CAMTA1: variants seen among roughly 807,000 people sequenced by gnomAD.
CAMTA1 encodes the protein calmodulin-binding transcription activator 1.
CAMTA1 carries 27 observed loss-of-function variants against 170.9 expected under a neutral mutation model. The observed-to-expected ratio is 0.16, with a 90% confidence interval of 0.12 to 0.22. The LOEUF (loss-of-function observed/expected upper bound fraction) is 0.22. CAMTA1 is among the 10% of genes least tolerant of loss of function. CAMTA1 has a pLI of 1.00. For synonymous variants in CAMTA1, 833 were observed against 891.5 expected (o/e 0.93, Z 1.17); for missense variants, 1,619 against 2,217.2 (o/e 0.73, Z 5.42).
chr1:6,919,281 G>T (rs1367853107), intron 3 of CAMTA1, among the ~76,000 whole-genome samples: 2 of 152,144 alleles, frequency 1.3e-5, no homozygotes, highest in Non-Finnish European at 2.9e-5. Flanking sequence ...GCCCTGCTGG[G>T]CCTGGCTGGA....
At chr1:7,235,794 G>A (rs1663729369) in intron 4 of CAMTA1, among the ~76,000 whole-genome samples, 1 of 152,170 alleles carries the variant, frequency 6.6e-6, no homozygotes, top group Non-Finnish European at 1.5e-5. Context: ...CTAGTCGTTT[G>A]TTCTCTGATA....
chr1:7,492,625 ACGCG>A (rs1431048798), intron 6 of CAMTA1, among the ~76,000 whole-genome samples: 9 of 150,746 alleles, frequency 6.0e-5, no homozygotes, highest in South Asian at 4.2e-4. Flanking sequence ...ATGTACATAC[ACGCG>A]CACACAAACA....
chr1:7,655,458 CACAAACACACCCACCTAT>C (rs1251043807), intron 7 of CAMTA1, among the ~76,000 whole-genome samples: 2 of 140,786 alleles, frequency 1.4e-5, no homozygotes, highest in Non-Finnish European at 3.1e-5. Context: ...CATACCTATA[CACAAACACACCCACCTAT>C]ACAAACACAC....
At chr1:6,894,985 G>T (rs529443085) in intron 3 of CAMTA1, among the ~76,000 whole-genome samples, 67 of 152,312 alleles carry the variant, frequency 4.4e-4, no homozygotes, top group African/African-American at 1.5e-3. Context: ...CAGTAGGGAG[G>T]GCGAGGTCAA....
chr1:6,881,062 C>T (rs1354070634), intron 3 of CAMTA1, among the ~76,000 whole-genome samples: 1 of 152,114 alleles, frequency 6.6e-6, no homozygotes, highest in African/African-American at 2.4e-5. Flanking sequence ...ACAAGGAAAC[C>T]GAGATACAGA....
chr1:6,966,462 C>G (rs1691566031), intron 3 of CAMTA1, among the ~76,000 whole-genome samples: 1 of 152,148 alleles, frequency 6.6e-6, no homozygotes, highest in African/African-American at 2.4e-5. Flanking sequence ...TCTCTGGCTT[C>G]TTTCCCCCAG....
At chr1:7,476,712 A>G (rs2093425293) in intron 6 of CAMTA1, among the ~76,000 whole-genome samples, 1 of 152,158 alleles carries the variant, frequency 6.6e-6, no homozygotes, top group African/African-American at 2.4e-5. Flanking sequence ...AGAGAGCAGG[A>G]CAGGAAGAGC....
chr1:7,695,512 C>T (rs776560956), intron 11 of CAMTA1, among the ~76,000 whole-genome samples: 2 of 152,176 alleles, frequency 1.3e-5, no homozygotes, highest in Admixed American at 6.5e-5. Flanking sequence ...GGTGGGGCTG[C>T]GTTTCTTGTT....
chr1:7,045,958 G>T (rs1462381619), intron 3 of CAMTA1, among the ~76,000 whole-genome samples: 2 of 152,230 alleles, frequency 1.3e-5, no homozygotes, highest in Non-Finnish European at 2.9e-5. Flanking sequence ...CAGACGCATG[G>T]TTTAGGTTCT....
intron 3 of CAMTA1, among the ~76,000 whole-genome samples, chr1:6,899,369 A>G (rs1676355676): frequency 6.6e-6 from 1 of 152,244 alleles, no homozygotes; most frequent in African/African-American, 2.4e-5. Context: ...AGCTTGCCAA[A>G]TATATGCCTT....
chr1:7,668,436 C>CAG (rs2096023047), intron 9 of CAMTA1, among the ~76,000 whole-genome samples: 1 of 135,580 alleles, frequency 7.4e-6, no homozygotes, highest in Non-Finnish European at 1.6e-5. Flanking sequence ...CACACACCCA[C>CAG]CACACACCCC....
rs149319992 is a variant in CAMTA1, at chr1:7,664,453, A to G, written c.1906A>G (p.Ser636Gly). The G allele has an allele frequency of 1.7e-4, 273 of 1,613,414 alleles. No homozygotes were observed. The African/African-American group carries it at 3.1e-3, about 18-fold the overall frequency. Residue 636 changes from serine to glycine, a missense_variant, in exon 9 of 23, where the codon AGT (serine) becomes GGT (glycine). By Grantham distance (56) the Ser-to-Gly change is moderately conservative (BLOSUM62 0). Coordinates refer to ENST00000303635, the MANE Select transcript of CAMTA1 (RefSeq NM_015215.4). ...CGAGCAGAACACCCACAGCAGCCTG[A>G]GTGACTCTGGGGGCACCTTCGTGAT... The part of the protein sequence containing the change: ...PVEQNTHSSL[S>G]DSGGTFVMPT...
chr1:7,638,263 A>T (rs1462619805), intron 6 of CAMTA1, among the ~76,000 whole-genome samples: 1 of 152,188 alleles, frequency 6.6e-6, no homozygotes, highest in Non-Finnish European at 1.5e-5. Context: ...GGAAAAGCAC[A>T]GGATGAGGCC....
At chr1:7,250,398 T>A (rs1666446488) in intron 5 of CAMTA1, among the ~76,000 whole-genome samples, 1 of 152,208 alleles carries the variant, frequency 6.6e-6, no homozygotes, top group South Asian at 2.1e-4. Context: ...CGTTCCTAAC[T>A]GGTCCTGGGA....
intron 6 of CAMTA1, among the ~76,000 whole-genome samples, chr1:7,596,949 C>A (rs540511870): frequency 3.3e-5 from 5 of 151,676 alleles, no homozygotes; most frequent in Admixed American, 3.3e-4. Context: ...ACAGGCGGAG[C>A]CCCCTGGCAG....
chr1:7,607,926 A>G (rs1427411653), intron 6 of CAMTA1, among the ~76,000 whole-genome samples: 1 of 152,200 alleles, frequency 6.6e-6, no homozygotes, highest in Non-Finnish European at 1.5e-5. Context: ...GGAGCAAGTC[A>G]TGGTCCCTGG....
In CAMTA1 at chr1:7,667,510, A is replaced by G. The variant is rs142040423; in HGVS notation, c.2652+2311A>G. Among the ~76,000 whole-genome samples, 62 of 152,184 alleles carry G rather than the reference A, an allele frequency of 4.1e-4. No homozygotes were observed. In the Middle Eastern group the frequency reaches 0.01, roughly 25 times the overall value. Reference sequence around the variant, plus strand: ...GAGATTTGGTCCTCGGGACACTTAGAGGCGCCCTGGAGCCCTTAATGTCTT... The same window carrying G: ...GAGATTTGGTCCTCGGGACACTTAGGGGCGCCCTGGAGCCCTTAATGTCTT... On this transcript the variant is annotated intron_variant, in intron 9 of 22. Coordinates refer to ENST00000303635, the MANE Select transcript of CAMTA1 (RefSeq NM_015215.4).
At chr1:7,669,077 C>G (rs1225550802) in intron 9 of CAMTA1, among the ~76,000 whole-genome samples, 1 of 152,130 alleles carries the variant, frequency 6.6e-6, no homozygotes, top group East Asian at 1.9e-4. Context: ...TCAGAAGGGC[C>G]CCTAGCAAGG....
chr1:7,028,111 G>C (rs1291260835), intron 3 of CAMTA1, among the ~76,000 whole-genome samples: 1 of 151,974 alleles, frequency 6.6e-6, no homozygotes, highest in Admixed American at 6.5e-5. Flanking sequence ...CACCATGTTG[G>C]TCAGGCTGGT....
Sources: allele counts gnomAD v4.1 joint callset (sites outside exome capture counted in the v4.1 genomes callset), GRCh38; gene constraint gnomAD v4.1.1; transcripts MANE v1.5; gene names NCBI Gene and HGNC (gene_info 2026-07-23, HGNC 2026-07-21).